Variants in CECR2 observed in about 807,000 individuals in gnomAD.
The protein encoded by CECR2 is chromatin remodeling regulator CECR2.
Under a neutral mutation model 154.5 loss-of-function variants are expected in CECR2, and 30 were observed. The observed-to-expected ratio is 0.19, with a 90% CI of 0.15 to 0.26. The LOEUF is 0.26. Among genes scored for constraint, CECR2 ranks in the 10% least tolerant of loss-of-function variants. The pLI, the probability that CECR2 is intolerant of heterozygous loss-of-function variation, is 1.00. For synonymous variants in CECR2, 725 were observed against 683.7 expected, an observed-to-expected ratio of 1.06 and a Z score of -0.94; for missense variants, 1,743 against 1,829.3, an observed-to-expected ratio of 0.95 and a Z score of 0.86.
chr22:17,544,838 G>GAAAAA (rs1381929272), intron 16 of CECR2, among the ~76,000 whole-genome samples: 1 of 103,350 alleles, frequency 9.7e-6, no homozygotes, highest in Non-Finnish European at 2.2e-5. Flanking sequence ...AAAAAAAAAG[G>GAAAAA]TTCATGCCTA....
At chr22:17,502,046 T>G (rs1219352734) in intron 5 of CECR2, among the ~76,000 whole-genome samples, 2 of 152,234 alleles carry the variant, frequency 1.3e-5, no homozygotes, top group East Asian at 1.9e-4. Context: ...TCATAGAAAC[T>G]TTAATCGAAA....
intron 7 of CECR2, among the ~76,000 whole-genome samples, chr22:17,505,992 G>T (rs1296752): frequency 0.47 from 70,930 of 150,970 alleles, 17,754 homozygotes; most frequent in Middle Eastern, 0.65. Context: ...ACACAGGCTC[G>T]TGCCACCACA....
At position 17,503,148 on chromosome 22, in the gene CECR2, G is replaced by A; in HGVS notation, c.700+17G>A. ...CAAGACATGGTAATGTTCTTTACTG[G>A]CATTTAGAAAGAATTAAATAAATAT... On this transcript the variant is annotated intron_variant, in intron 6 of 18. Coordinates refer to ENST00000262608, the MANE Select transcript of CECR2 (RefSeq NM_001290047.2). 1.2e-6 allele frequency: 2 copies of A among 1,603,902 alleles called. No individual in the cohort carries two copies. The highest frequency in any genetic ancestry group is 1.7e-6 in the Non-Finnish European group (2 of 1,173,212).
chr22:17,376,309 C>A (rs993751161), intron 1 of CECR2, among the ~76,000 whole-genome samples: 1 of 152,184 alleles, frequency 6.6e-6, no homozygotes, highest in Admixed American at 6.5e-5. Context: ...GCAGCGCCTT[C>A]TCATCTCTGA....
chr22:17,461,076 T>G (rs1168307395), intron 1 of CECR2, among the ~76,000 whole-genome samples: 5 of 152,198 alleles, frequency 3.3e-5, no homozygotes, highest in Non-Finnish European at 7.4e-5. Flanking sequence ...GAATCACCCA[T>G]TACCGCGATG....
intron 2 of CECR2, among the ~76,000 whole-genome samples, chr22:17,480,419 T>TACACACACACACACACACACAC (rs55977287): frequency 2.7e-4 from 37 of 137,426 alleles, no homozygotes; most frequent in East Asian, 1.5e-3. Flanking sequence ...TCATGTATAA[T>TACACACACACACACACACACAC]ACACACACAC....
In CECR2 at chr22:17,549,115, T is replaced by C. The variant is rs1555934850; in HGVS notation, c.3828T>C (p.Pro1276=). The C allele has an allele frequency of 1.5e-5, 24 of 1,614,024 alleles. No individual in the cohort carries two copies. Among genetic ancestry groups the C allele is most frequent in the Non-Finnish European group, 1.9e-5 (23 of 1,179,892 alleles). ...AAKVPNDGQN[P]GPEEEKLDES... ...AAGTCCCAAATGACGGGCAGAATCCTGGTCCAGAGGAAGAGAAGCTGGATG... is the reference window on the plus strand; with the variant it reads ...AAGTCCCAAATGACGGGCAGAATCCCGGTCCAGAGGAAGAGAAGCTGGATG... The change falls in exon 17 of 19, where the codon CCT becomes CCC. Residue 1276 remains proline (P), a synonymous_variant. Transcript: ENST00000262608.
At chr22:17,476,786 A>G (rs891877522) in intron 1 of CECR2, among the ~76,000 whole-genome samples, 1 of 152,218 alleles carries the variant, frequency 6.6e-6, no homozygotes, top group African/African-American at 2.4e-5. Flanking sequence ...TTCTAGTAGG[A>G]GACTTGATGG....
intron 1 of CECR2, among the ~76,000 whole-genome samples, chr22:17,435,796 C>T (rs967745612): frequency 2.0e-5 from 3 of 151,610 alleles, no homozygotes; most frequent in Non-Finnish European, 4.4e-5. Flanking sequence ...TCTCTCTGGC[C>T]AAATTAATTA....
At chr22:17,389,995 A>G (rs762847001) in intron 1 of CECR2, among the ~76,000 whole-genome samples, 12 of 152,224 alleles carry the variant, frequency 7.9e-5, no homozygotes, top group Admixed American at 5.2e-4. Flanking sequence ...TAAGATCTGT[A>G]GATAATAGTA....
intron 2 of CECR2, among the ~76,000 whole-genome samples, chr22:17,480,512 G>A (rs957216608): frequency 6.6e-6 from 1 of 150,590 alleles, no homozygotes; most frequent in Non-Finnish European, 1.5e-5. Flanking sequence ...TTCACAAACT[G>A]AACACACCTG....
intron 1 of CECR2, among the ~76,000 whole-genome samples, chr22:17,406,102 T>C (rs912332559): frequency 2.0e-5 from 3 of 152,240 alleles, no homozygotes; most frequent in Non-Finnish European, 2.9e-5. Flanking sequence ...ATTAATGATA[T>C]CTAATTTAAC....
chr22:17,499,382 C>A, intron 3 of CECR2, 28 bp from the exon 4 acceptor site: 1 of 1,593,654 alleles, frequency 6.3e-7, no homozygotes, highest in Non-Finnish European at 8.5e-7. Flanking sequence ...CCCCATTTCC[C>A]CAAACCCCTT....
chr22:17,529,023 G>T (rs1056598084), intron 9 of CECR2, among the ~76,000 whole-genome samples: 1 of 152,118 alleles, frequency 6.6e-6, no homozygotes, highest in African/African-American at 2.4e-5. Context: ...TTGAGCGCAG[G>T]AGATCGAGGC....
Position 17,549,048 on chromosome 22 carries a change from C to T in CECR2, c.3761C>T (p.Ala1254Val). The T allele has an allele frequency of 6.2e-7, 1 of 1,614,054 alleles. No homozygotes were observed. Among genetic ancestry groups the T allele is most frequent in the Non-Finnish European group, 8.5e-7 (1 of 1,179,896 alleles). Reference sequence around the variant, plus strand: ...CTGCAAGGCTGTGAGACACTGAATGCTGCCTTAACTTCTCCAACCCGTATG... The same window carrying T: ...CTGCAAGGCTGTGAGACACTGAATGTTGCCTTAACTTCTCCAACCCGTATG... ...ASLQGCETLNAALTSPTRMDA... is the reference protein window; with the variant it reads ...ASLQGCETLNVALTSPTRMDA... Residue 1254 changes from alanine to valine, a missense_variant, in exon 17 of 19, where the codon GCT (alanine) becomes GTT (valine). By Grantham distance (64) the Ala-to-Val change is moderately conservative. Transcript: ENST00000262608.
intron 3 of CECR2, 66 bp downstream of exon 3, chr22:17,497,652 A>C (rs2146871384): frequency 1.3e-6 from 2 of 1,511,522 alleles, no homozygotes; most frequent in South Asian, 2.3e-5. Context: ...TGTAGTCAGA[A>C]CGTAAAACCC....
rs939583385 is a variant in CECR2 at position 17,504,382 on chromosome 22, ATAAAAT to A, written c.701-461_701-456del. 9.2e-5 allele frequency among the ~76,000 whole-genome samples: 14 copies of A among 152,074 alleles called. No individual in the cohort carries two copies. In the South Asian group the frequency reaches 2.7e-3, roughly 29 times the overall value. On this transcript the variant is annotated intron_variant, in intron 6 of 18. Transcript: ENST00000262608. ...AGAGCCAGACGTTGTCTCAAAAAAA[ATAAAAT>A]TAAGTAATAGGTCTCTTTTTTGAGT...
At chr22:17,390,292 TG>T (rs761979219) in intron 1 of CECR2, among the ~76,000 whole-genome samples, 128 of 152,294 alleles carry the variant, frequency 8.4e-4, no homozygotes, top group African/African-American at 2.8e-3. Flanking sequence ...TTGGGTCATG[TG>T]TTTTTGGCGG....
At chr22:17,505,534 CTT>C (rs11387639) in intron 7 of CECR2, among the ~76,000 whole-genome samples, 1,749 of 98,580 alleles carry the variant, frequency 0.018, 7 homozygotes, top group African/African-American at 0.07. Context: ...CCTCTTTTTC[CTT>C]TTTTTTTTTT....
Sources: allele counts gnomAD v4.1 joint callset (sites outside exome capture counted in the v4.1 genomes callset), GRCh38; gene constraint gnomAD v4.1.1; transcripts MANE v1.5; gene names NCBI Gene and HGNC (gene_info 2026-07-23, HGNC 2026-07-21).